The following RANBP2 variants were observed in gnomAD, a reference collection of about 807,000 sequenced individuals.
RANBP2 encodes the protein E3 SUMO-protein ligase RanBP2.
A neutral mutation model predicts 303.6 loss-of-function variants in RANBP2; 57 were observed. The ratio of observed to expected loss-of-function variants is 0.19; its 90% CI spans 0.15 to 0.23. The LOEUF (loss-of-function observed/expected upper bound fraction) is 0.23, where lower values mean the gene tolerates loss of function less well. RANBP2 is among the 10% of genes least tolerant of loss of function. The pLI, the probability that RANBP2 is intolerant of heterozygous loss-of-function variation, is 1.00. For missense variants in RANBP2, 3,138 were observed against 3,780.8 expected, an observed-to-expected ratio of 0.83 and a Z score of 4.46; for synonymous variants, 1,167 against 1,301.5, an observed-to-expected ratio of 0.90 and a Z score of 2.23.
At chr2:109,586,403 A>AAGT in the RANBP2 span, among the ~76,000 whole-genome samples, 1 of 151,558 alleles carries the variant, frequency 6.6e-6, no homozygotes, top group African/African-American at 2.4e-5. Flanking sequence ...GAGTTTATCT[A>AAGT]GCTTTTTCCC....
the RANBP2 span, among the ~76,000 whole-genome samples, chr2:109,579,919 G>C: frequency 6.6e-6 from 1 of 151,446 alleles, no homozygotes. Context: ...TCAGGAGTTT[G>C]AGACCAGCCT....
chr2:108,724,857 C>T (rs1440526454), intron 1 of RANBP2, among the ~76,000 whole-genome samples: 1 of 151,312 alleles, frequency 6.6e-6, no homozygotes, highest in Non-Finnish European at 1.5e-5. Context: ...TGGAGCTGAT[C>T]AGATGGGTTT....
the RANBP2 span, among the ~76,000 whole-genome samples, chr2:109,264,455 C>T: frequency 2.0e-5 from 3 of 152,398 alleles, no homozygotes; most frequent in South Asian, 6.2e-4. Context: ...GTGTGCTCCC[C>T]ATCTACCTCC....
At chr2:109,420,508 C>T in the RANBP2 span, among the ~76,000 whole-genome samples, 4 of 152,088 alleles carry the variant, frequency 2.6e-5, no homozygotes, top group Non-Finnish European at 4.4e-5. Context: ...TGCAATGGCG[C>T]GATCCCGGCT....
rs755256102 is a variant in RANBP2 at position 108,772,444 on chromosome 2, C to G, written c.8021-45C>G. ...GAGGTAGTCCCTAAGCAAGGAAAAC[C>G]CCCCAAAATTAACTAGAAATTCTTT... On this transcript the variant is annotated intron_variant, in intron 21 of 28. Coordinates refer to ENST00000283195, the MANE Select transcript of RANBP2 (RefSeq NM_006267.5). 1.9e-6 allele frequency: 3 copies of G among 1,538,686 alleles called. No individual in the cohort carries two copies. In the Admixed American group the frequency reaches 5.0e-5, roughly 26 times the overall value.
chr2:109,333,945 C>A, the RANBP2 span, among the ~76,000 whole-genome samples: 2 of 152,192 alleles, frequency 1.3e-5, no homozygotes, highest in African/African-American at 4.8e-5. Context: ...ATAATGAGGA[C>A]ATGCTCAGAG....
At chr2:109,727,176 G>C in the RANBP2 span, among the ~76,000 whole-genome samples, 3 of 152,096 alleles carry the variant, frequency 2.0e-5, no homozygotes, top group African/African-American at 7.2e-5. Flanking sequence ...ACTATGACAA[G>C]AAAACAAGCA....
chr2:109,610,160 C>G, the RANBP2 span, among the ~76,000 whole-genome samples: 42 of 151,862 alleles, frequency 2.8e-4, no homozygotes, highest in African/African-American at 9.7e-4. Flanking sequence ...GCGATCTCAG[C>G]TTACTGCAAC....
intron 9 of RANBP2, among the ~76,000 whole-genome samples, chr2:108,749,357 G>A (rs1204424839): frequency 1.3e-5 from 2 of 152,104 alleles, no homozygotes; most frequent in Non-Finnish European, 2.9e-5. Context: ...GAGTGCAGTG[G>A]TGCGATCTCG....
chr2:108,891,036 C>T, the RANBP2 span, among the ~76,000 whole-genome samples: 1 of 152,028 alleles, frequency 6.6e-6, no homozygotes. Flanking sequence ...AAATCTATCT[C>T]TTTGATAAAT....
At chr2:108,962,674 CAAAAAAAAAAAA>C in the RANBP2 span, among the ~76,000 whole-genome samples, 4 of 66,906 alleles carry the variant, frequency 6.0e-5, no homozygotes, top group African/African-American at 7.9e-5. Flanking sequence ...GACTCTGTCT[CAAAAAAAAAAAA>C]AAAAAAAAAA....
chr2:109,125,773 T>A, the RANBP2 span, among the ~76,000 whole-genome samples: 4 of 152,256 alleles, frequency 2.6e-5, no homozygotes, highest in Non-Finnish European at 4.4e-5. Context: ...TTATTGAACA[T>A]GTGCAAATTT....
At chr2:109,236,629 C>T in the RANBP2 span, among the ~76,000 whole-genome samples, 7 of 152,138 alleles carry the variant, frequency 4.6e-5, no homozygotes, top group Admixed American at 1.3e-4. Context: ...AACATTACCA[C>T]GAGAAGATGC....
chr2:109,118,383 C>T, the RANBP2 span, among the ~76,000 whole-genome samples: 1 of 151,820 alleles, frequency 6.6e-6, no homozygotes. Flanking sequence ...AAAGAGCAAA[C>T]AAACAAAAAG....
the RANBP2 span, chr2:109,347,963 C>T: frequency 2.8e-3 from 4,418 of 1,585,406 alleles, 96 homozygotes; most frequent in African/African-American, 0.052. Flanking sequence ...AGGTGAGCCC[C>T]GGGGTGGGCC....
the RANBP2 span, among the ~76,000 whole-genome samples, chr2:109,705,487 C>T: frequency 3.9e-5 from 6 of 152,174 alleles, no homozygotes; most frequent in East Asian, 3.9e-4. Context: ...CTTAGTTAGA[C>T]GCAAATAGCA....
the RANBP2 span, among the ~76,000 whole-genome samples, chr2:109,341,706 T>C: frequency 6.6e-6 from 1 of 152,180 alleles, no homozygotes; most frequent in Admixed American, 6.5e-5. Flanking sequence ...ATGGAAAAAC[T>C]GGCCCACCCT....
the RANBP2 span, among the ~76,000 whole-genome samples, chr2:109,417,028 A>G: frequency 3.3e-5 from 5 of 152,262 alleles, no homozygotes; most frequent in African/African-American, 1.2e-4. Context: ...CTGCCAGGTC[A>G]TCGAGTGTCA....
At chr2:108,722,060 TAA>T (rs945739734) in intron 1 of RANBP2, among the ~76,000 whole-genome samples, 3 of 135,886 alleles carry the variant, frequency 2.2e-5, no homozygotes, top group Non-Finnish European at 3.2e-5. Flanking sequence ...TAAACAAGCT[TAA>T]AAAAAAAAAA....
Sources: allele counts gnomAD v4.1 joint callset (sites outside exome capture counted in the v4.1 genomes callset), GRCh38; gene constraint gnomAD v4.1.1; transcripts MANE v1.5; gene names NCBI Gene and HGNC (gene_info 2026-07-23, HGNC 2026-07-21).